The following LRRC7 variants were observed in gnomAD, a reference collection of about 807,000 sequenced individuals.
LRRC7 encodes the protein leucine rich repeat containing 7, also known as leucine-rich repeat-containing protein 7.
In LRRC7, 23 loss-of-function variants were observed where a neutral mutation model predicts 175.7. The observed-to-expected ratio is 0.13, with a 90% CI of 0.09 to 0.19. The LOEUF is 0.19. Among genes scored for constraint, LRRC7 ranks in the 10% least tolerant of loss-of-function variants. The pLI, the probability that LRRC7 is intolerant of heterozygous loss-of-function variation, is 1.00. For missense variants in LRRC7, 1,354 were observed against 1,904.7 expected (o/e 0.71, Z 5.38); for synonymous variants, 685 against 680.9 (o/e 1.01, Z -0.09).
intron 2 of LRRC7, among the ~76,000 whole-genome samples, chr1:69,718,942 A>T (rs1457676250): frequency 1.3e-5 from 2 of 151,826 alleles, no homozygotes; most frequent in Non-Finnish European, 3.0e-5. Flanking sequence ...AATCCTCTTC[A>T]ACAGCATCTT....
At chr1:69,996,378 C>A (rs1479063327) in intron 11 of LRRC7, among the ~76,000 whole-genome samples, 1 of 152,100 alleles carries the variant, frequency 6.6e-6, no homozygotes, top group Non-Finnish European at 1.5e-5. Flanking sequence ...ATGGTAGTTT[C>A]TTTTGCTGTG....
At chr1:69,978,783 T>G (rs899813606) in intron 8 of LRRC7, among the ~76,000 whole-genome samples, 9 of 152,310 alleles carry the variant, frequency 5.9e-5, no homozygotes, top group Non-Finnish European at 1.2e-4. Flanking sequence ...TTACTAATAT[T>G]CTCATGGTAA....
chr1:69,890,430 A>G (rs1407741674), intron 7 of LRRC7, among the ~76,000 whole-genome samples: 1 of 152,256 alleles, frequency 6.6e-6, no homozygotes, highest in African/African-American at 2.4e-5. Context: ...TCAGCAAACC[A>G]TGTAAACAGA....
At chr1:69,569,618 T>C (rs1400062564) in intron 1 of LRRC7, among the ~76,000 whole-genome samples, 1 of 152,092 alleles carries the variant, frequency 6.6e-6, no homozygotes, top group Non-Finnish European at 1.5e-5. Context: ...ATAGATTGCC[T>C]TTTAAAATAG....
At chr1:69,653,094 G>A (rs989778946) in intron 1 of LRRC7, among the ~76,000 whole-genome samples, 6 of 152,018 alleles carry the variant, frequency 3.9e-5, no homozygotes, top group Admixed American at 2.0e-4. Context: ...GAATAGACAT[G>A]TGGGATAACA....
rs1416816983 is a variant in LRRC7 at position 70,134,005 on chromosome 1, A to G, written c.*12118A>G. Among the ~76,000 whole-genome samples the G allele has an allele frequency of 6.6e-6, 1 of 152,194 alleles. No homozygotes were observed. The highest frequency in any genetic ancestry group is 1.5e-5 in the Non-Finnish European group (1 of 68,028). Reference sequence around the variant, plus strand: ...TTTATGTAATTCTAAAACTAGTCCAATCTGAATATGTGTGCATCTGGGTAT... The same window carrying G: ...TTTATGTAATTCTAAAACTAGTCCAGTCTGAATATGTGTGCATCTGGGTAT... On this transcript the variant is annotated 3_prime_UTR_variant, in exon 27 of 27. Coordinates refer to ENST00000651989, the MANE Select transcript of LRRC7 (RefSeq NM_001370785.2).
chr1:70,136,073 G>T lies in LRRC7; in HGVS notation c.*14186G>T, dbSNP rs1666857618. On this transcript the variant is annotated 3_prime_UTR_variant, in exon 27 of 27. Transcript: ENST00000651989. The stretch of plus-strand genomic sequence containing the variant: ...TCTCTCTGTGTGTGTCTGTGTGTGT[G>T]TCTGTGTGTGTGTGTGTGTGTGTGT... 8.6e-5 allele frequency among the ~76,000 whole-genome samples: 1 copy of T among 11,604 alleles called. No individual in the cohort carries two copies. Among genetic ancestry groups the T allele is most frequent in the Non-Finnish European group, 1.6e-4 (1 of 6,190 alleles). The allele number at this position is 11,604 out of a possible 152,430, so 7.6% of individuals were successfully genotyped here.
intron 4 of LRRC7, among the ~76,000 whole-genome samples, chr1:69,804,049 A>T (rs1430309982): frequency 6.6e-6 from 1 of 151,286 alleles, no homozygotes; most frequent in Non-Finnish European, 1.5e-5. Context: ...TATCATTATT[A>T]TGTCCCTTCT....
intron 7 of LRRC7, among the ~76,000 whole-genome samples, chr1:69,853,302 A>G (rs1361810697): frequency 2.6e-5 from 2 of 77,564 alleles, no homozygotes; most frequent in African/African-American, 9.9e-5. Flanking sequence ...TTTTTGAGAC[A>G]GAGTCTTACT....
intron 2 of LRRC7, among the ~76,000 whole-genome samples, chr1:69,724,508 G>T (rs961984141): frequency 2.6e-5 from 4 of 152,238 alleles, no homozygotes; most frequent in Admixed American, 2.6e-4. Flanking sequence ...TGAGAATCAA[G>T]AAATATAAAT....
intron 14 of LRRC7, among the ~76,000 whole-genome samples, chr1:70,018,313 C>A (rs1449336968): frequency 6.6e-6 from 1 of 151,980 alleles, no homozygotes; most frequent in Non-Finnish European, 1.5e-5. Context: ...TAATTAAATT[C>A]ATAGATGATC....
intron 2 of LRRC7, among the ~76,000 whole-genome samples, chr1:69,702,954 T>G (rs1663555106): frequency 6.6e-6 from 1 of 152,088 alleles, no homozygotes; most frequent in South Asian, 2.1e-4. Context: ...TTTCCTCTCC[T>G]AGGATCAATT....
At chr1:70,119,532 A>T (rs76313756) in intron 26 of LRRC7, among the ~76,000 whole-genome samples, 1 of 151,480 alleles carries the variant, frequency 6.6e-6, no homozygotes, top group Non-Finnish European at 1.5e-5. Flanking sequence ...AAAAAAAAAA[A>T]TGCTTAAGTA....
chr1:69,944,348 C>A (rs1261417150), intron 8 of LRRC7, among the ~76,000 whole-genome samples: 1 of 152,062 alleles, frequency 6.6e-6, no homozygotes, highest in Non-Finnish European at 1.5e-5. Flanking sequence ...CATATATATG[C>A]TACTCATCAG....
At chr1:69,929,203 T>G (rs1647190536) in intron 7 of LRRC7, among the ~76,000 whole-genome samples, 1 of 152,190 alleles carries the variant, frequency 6.6e-6, no homozygotes, top group Non-Finnish European at 1.5e-5. Flanking sequence ...ACCTAGGCAA[T>G]AATGAATTCA....
rs188992440 is a variant in LRRC7 at position 69,965,946 on chromosome 1, G to A, written c.712-14433G>A. Among the ~76,000 whole-genome samples the A allele has an allele frequency of 1.4e-3, 218 of 152,190 alleles. 1 individual carries two copies. Among genetic ancestry groups the A allele is most frequent in the Admixed American group, 0.012 (180 of 15,292 alleles). On this transcript the variant is annotated intron_variant, in intron 8 of 26. Transcript: ENST00000651989. ...AACTAAAGGGCTAGTAATAAACCAA[G>A]TGTATTGTTAAATAAAAGATTTAAA...
At chr1:69,696,503 C>A (rs115717558) in intron 2 of LRRC7, among the ~76,000 whole-genome samples, 1 of 151,916 alleles carries the variant, frequency 6.6e-6, no homozygotes, top group Non-Finnish European at 1.5e-5. Context: ...CTTTTGAGGA[C>A]GATCAGGAAG....
At chr1:69,917,311 G>A (rs1018849920) in intron 7 of LRRC7, among the ~76,000 whole-genome samples, 6 of 152,230 alleles carry the variant, frequency 3.9e-5, no homozygotes, top group African/African-American at 1.2e-4. Context: ...TCAGCTATTT[G>A]TATAGGGAAA....
At chr1:69,730,093 A>G (rs1444667656) in intron 2 of LRRC7, among the ~76,000 whole-genome samples, 2 of 152,192 alleles carry the variant, frequency 1.3e-5, no homozygotes, top group African/African-American at 4.8e-5. Flanking sequence ...ACAGGGCACC[A>G]AGTCCTGAAG....
Sources: gnomAD v4.1 joint callset for allele counts (sites outside exome capture counted in the v4.1 genomes callset) on GRCh38, gnomAD v4.1.1 for gene constraint, MANE v1.5 for transcripts, NCBI Gene and HGNC (gene_info 2026-07-23, HGNC 2026-07-21) for gene names.